Variants in SLCO1C1 observed in about 807,000 individuals in gnomAD.
The protein encoded by SLCO1C1 is solute carrier organic anion transporter family member 1C1.
Under a neutral mutation model 76.4 loss-of-function variants are expected in SLCO1C1, and 70 were observed. That is an observed-to-expected ratio of 0.92 (90% CI 0.76 to 1.12). The LOEUF (loss-of-function observed/expected upper bound fraction) is 1.12, where lower values mean the gene tolerates loss of function less well. Ranked by LOEUF, SLCO1C1 falls within the 50% of genes most tolerant of loss-of-function variation. The probability of loss-of-function intolerance (pLI) is 0.00; values close to 1 mark genes in which losing one functional copy is unlikely to be tolerated. For missense variants in SLCO1C1, 912 were observed against 823.8 expected, an observed-to-expected ratio of 1.11 and a Z score of -1.31; for synonymous variants, 306 against 286.1, an observed-to-expected ratio of 1.07 and a Z score of -0.70.
chr12:20,708,387 ATCT>A (rs1946889986), intron 4 of SLCO1C1, among the ~76,000 whole-genome samples: 1 of 152,202 alleles, frequency 6.6e-6, no homozygotes, highest in African/African-American at 2.4e-5. Context: ...GCCCTCACAG[ATCT>A]TCTGAGGAGG....
Position 20,743,429 on chromosome 12 carries a change from T to C in SLCO1C1, c.1798+60T>C, listed in dbSNP as rs1948909581. 33 of 1,385,826 alleles carry C rather than the reference T, an allele frequency of 2.4e-5. No homozygotes were observed. The South Asian group carries it at 4.1e-4, about 17-fold the overall frequency. 85.8% of individuals were successfully genotyped at this position (1,385,826 alleles called of 1,614,324 possible). ...ACCGTAAGTGTATTTTGAAGACTTT[T>C]CTAAATATTTTTACAGAATTGCCAT... On this transcript the variant is annotated intron_variant, in intron 13 of 14. Transcript: ENST00000266509.
intron 5 of SLCO1C1, among the ~76,000 whole-genome samples, chr12:20,713,105 A>G (rs575147475): frequency 6.1e-5 from 8 of 130,266 alleles, no homozygotes; most frequent in East Asian, 2.2e-4. Flanking sequence ...TTTGAGACGG[A>G]GTCTCGCTCT....
intron 13 of SLCO1C1, among the ~76,000 whole-genome samples, chr12:20,748,488 A>C (rs1033437378): frequency 2.2e-4 from 33 of 152,284 alleles, no homozygotes; most frequent in Admixed American, 2.1e-3. Context: ...ATATAACCAC[A>C]ATACCATTCT....
chr12:20,703,955 CTG>C (rs146325219), intron 3 of SLCO1C1, among the ~76,000 whole-genome samples: 4,267 of 140,058 alleles, frequency 0.03, 65 homozygotes, highest in Middle Eastern at 0.032. Context: ...TCGAGTGTGT[CTG>C]TGTGTGTGTG....
chr12:20,729,856 A>G lies in SLCO1C1; in HGVS notation c.1187-3053A>G, dbSNP rs190173599. ...TGTGGAAGGATCTGGAGTCAAGATA[A>G]TACATGAAATGTTGTGGAAGTTTCA... On this transcript the variant is annotated intron_variant, in intron 9 of 14. Coordinates refer to ENST00000266509, the MANE Select transcript of SLCO1C1 (RefSeq NM_017435.5). Among the ~76,000 whole-genome samples, 16 of 152,268 alleles carry G rather than the reference A, an allele frequency of 1.1e-4. No individual in the cohort carries two copies. In the East Asian group the frequency reaches 1.2e-3, roughly 11 times the overall value.
chr12:20,747,806 A>T (rs775816904), intron 13 of SLCO1C1, among the ~76,000 whole-genome samples: 11 of 152,180 alleles, frequency 7.2e-5, no homozygotes, highest in Non-Finnish European at 1.6e-4. Context: ...AAAAATGTAA[A>T]CATATACAAA....
At chr12:20,732,031 CT>C (rs2120821818) in intron 9 of SLCO1C1, among the ~76,000 whole-genome samples, 1 of 152,316 alleles carries the variant, frequency 6.6e-6, no homozygotes. Flanking sequence ...GAACTGAGAT[CT>C]AAACCCAGGC....
intron 13 of SLCO1C1, among the ~76,000 whole-genome samples, chr12:20,747,500 T>C (rs965593346): frequency 6.6e-6 from 1 of 152,194 alleles, no homozygotes; most frequent in Non-Finnish European, 1.5e-5. Context: ...TTGTCAAAGC[T>C]ATGATGGTAC....
At chr12:20,696,922 A>C (rs1946295585) in intron 1 of SLCO1C1, 1 of 152,070 alleles carries the variant, frequency 6.6e-6, no homozygotes, top group Non-Finnish European at 1.5e-5. Context: ...TGCAGTGCCA[A>C]TAGTTTAAGC....
chr12:20,735,519 GT>G, intron 10 of SLCO1C1, among the ~76,000 whole-genome samples: 2 of 152,264 alleles, frequency 1.3e-5, no homozygotes, highest in South Asian at 4.1e-4. Flanking sequence ...TTAAAAGGCA[GT>G]TTTATACTTT....
intron 10 of SLCO1C1, among the ~76,000 whole-genome samples, chr12:20,735,013 C>T (rs960314015): frequency 3.3e-5 from 5 of 152,254 alleles, no homozygotes; most frequent in African/African-American, 1.2e-4. Flanking sequence ...TGTTAAAACT[C>T]GTCTTATAAT....
intron 12 of SLCO1C1, among the ~76,000 whole-genome samples, chr12:20,740,718 G>A (rs1283866678): frequency 7.0e-6 from 1 of 142,616 alleles, no homozygotes; most frequent in East Asian, 2.1e-4. Flanking sequence ...GTTTCACCAA[G>A]TCATGGGAAA....
chr12:20,723,629 C>G (rs1050442015), intron 9 of SLCO1C1, among the ~76,000 whole-genome samples: 3 of 152,114 alleles, frequency 2.0e-5, no homozygotes, highest in African/African-American at 7.2e-5. Context: ...CAAAACAAAA[C>G]TTGTATTTTC....
Position 20,752,748 on chromosome 12 carries a change from A to T in SLCO1C1, c.*220A>T, listed in dbSNP as rs180808254. 210 of 341,150 alleles carry T rather than the reference A, an allele frequency of 6.2e-4. 1 individual carries two copies. The East Asian group carries it at 9.2e-3, about 15-fold the overall frequency. 21.1% of individuals were successfully genotyped at this position (341,150 alleles called of 1,614,324 possible). A position where few individuals can be genotyped will look rare whatever the true frequency, so the allele number is the denominator to read the frequency against. On this transcript the variant is annotated 3_prime_UTR_variant, in exon 15 of 15. Transcript: ENST00000266509. Reference sequence around the variant, plus strand: ...AATTTTGAACTTTTTAATTTATATAAATTATTTTATATCACTTACTTATTT... The same window carrying T: ...AATTTTGAACTTTTTAATTTATATATATTATTTTATATCACTTACTTATTT...
chr12:20,699,923 C>T (rs965688289), intron 2 of SLCO1C1: 1 of 389,068 alleles, frequency 2.6e-6, no homozygotes, highest in Non-Finnish European at 4.5e-6. Context: ...AATGCCCCCC[C>T]AAACAGAAAA....
intron 10 of SLCO1C1, among the ~76,000 whole-genome samples, chr12:20,736,496 T>C (rs867543194): frequency 6.6e-6 from 1 of 152,096 alleles, no homozygotes; most frequent in South Asian, 2.1e-4. Flanking sequence ...CTATAAGATA[T>C]GAAAGAGCAC....
chr12:20,749,508 C>G (rs969241715), intron 13 of SLCO1C1, among the ~76,000 whole-genome samples: 12 of 152,096 alleles, frequency 7.9e-5, no homozygotes, highest in Admixed American at 2.6e-4. Context: ...CAGCTATTGG[C>G]TACTAACTAA....
Position 20,752,640 on chromosome 12 carries a change from CTACTT to C in SLCO1C1, c.*114_*118del. On this transcript the variant is annotated 3_prime_UTR_variant, in exon 15 of 15. Transcript: ENST00000266509. ...ATTTCTTTCTCCTTTCAAAAAATGT[CTACTT>C]TGTTTTGGTCCTAGGCATTAGGTAA... 2.2e-6 allele frequency: 2 copies of C among 915,786 alleles called. No individual in the cohort carries two copies. The allele number at this position is 915,786 out of a possible 1,614,324, so 56.7% of individuals were successfully genotyped here.
At chr12:20,709,181 A>C (rs1946933860) in intron 4 of SLCO1C1, among the ~76,000 whole-genome samples, 1 of 152,208 alleles carries the variant, frequency 6.6e-6, no homozygotes, top group Non-Finnish European at 1.5e-5. Flanking sequence ...AAAAGCATTT[A>C]TAATATTAGT....
Sources: gnomAD v4.1 joint callset for allele counts (sites outside exome capture counted in the v4.1 genomes callset) on GRCh38, gnomAD v4.1.1 for gene constraint, MANE v1.5 for transcripts, NCBI Gene and HGNC (gene_info 2026-07-23, HGNC 2026-07-21) for gene names.